GAB1: variants seen among roughly 807,000 people sequenced by gnomAD.
GAB1 encodes GRB2 associated binding protein 1.
Under a neutral mutation model 66.5 loss-of-function variants are expected in GAB1, and 19 were observed. The observed-to-expected ratio is 0.29, with a 90% confidence interval of 0.20 to 0.42. GAB1 has a LOEUF of 0.42. GAB1 is among the 10% of genes least tolerant of loss of function. The pLI, the probability that GAB1 is intolerant of heterozygous loss-of-function variation, is 1.00. For missense variants in GAB1, 732 were observed against 858.5 expected (o/e 0.85, Z 1.84); for synonymous variants, 294 against 301.4 (o/e 0.98, Z 0.25).
intron 6 of GAB1, among the ~76,000 whole-genome samples, chr4:143,452,922 G>A (rs1034023986): frequency 6.6e-6 from 1 of 152,086 alleles, no homozygotes; most frequent in Non-Finnish European, 1.5e-5. Flanking sequence ...CTTTGCTTTA[G>A]TATTCTTATG....
chr4:143,469,155 C>T lies in GAB1; in HGVS notation c.2051C>T (p.Thr684Ile), dbSNP rs1388589393. The T allele has an allele frequency of 2.5e-6, 4 of 1,614,078 alleles. No individual in the cohort carries two copies. In the Admixed American group the frequency reaches 6.7e-5, roughly 27 times the overall value. Residue 684 changes from threonine to isoleucine, a missense_variant, in exon 10 of 10, where the codon ACA becomes ATA. Thr to Ile is a moderately conservative substitution (Grantham distance 89). Around this residue, in one of 4 missense-constraint regions of GAB1, gnomAD observed 204 missense variants for 276.8 expected, o/e 0.74. Coordinates refer to ENST00000262994, the MANE Select transcript of GAB1 (RefSeq NM_002039.4). The part of the protein sequence containing the change: ...REAWTDGRQS[T>I]ESETPAKSVK ...GCCTGGACAGATGGGAGACAGTCCA[C>T]AGAATCAGAAACGCCAGCGAAGAGT...
In GAB1 at chr4:143,438,329, C is replaced by T. The variant is rs1173973678; in HGVS notation, c.924C>T (p.Asp308=). The part of the protein sequence containing the change: ...TQMRHVSISY[D]IPPTPGNTYQ... ...TGAGGCATGTATCTATTAGTTATGA[C>T]ATTCCTCCAACACCTGGTAATACTT... Residue 308 remains aspartate (D), a synonymous_variant, in exon 4 of 10, where the codon GAC becomes GAT. Coordinates refer to ENST00000262994, the MANE Select transcript of GAB1 (RefSeq NM_002039.4). The T allele has an allele frequency of 1.2e-6, 2 of 1,614,086 alleles. No homozygotes were observed. The highest frequency in any genetic ancestry group is 1.1e-5 in the South Asian group (1 of 91,084).
chr4:143,436,418 G>A (rs1733945130), intron 3 of GAB1, among the ~76,000 whole-genome samples: 1 of 152,162 alleles, frequency 6.6e-6, no homozygotes, highest in South Asian at 2.1e-4. Context: ...GAATACATGA[G>A]TGGTATAACA....
At chr4:143,458,248 T>A (rs1477080655) in intron 6 of GAB1, among the ~76,000 whole-genome samples, 1 of 152,152 alleles carries the variant, frequency 6.6e-6, no homozygotes, top group African/African-American at 2.4e-5. Context: ...AGCGGAATAT[T>A]CTGTATGTTT....
intron 6 of GAB1, among the ~76,000 whole-genome samples, chr4:143,441,842 C>G (rs1734260612): frequency 6.6e-6 from 1 of 152,194 alleles, no homozygotes; most frequent in Non-Finnish European, 1.5e-5. Flanking sequence ...TTTATGTGCC[C>G]TTGCAGCTTC....
chr4:143,348,816 C>T (rs1581213553), intron 1 of GAB1, among the ~76,000 whole-genome samples: 1 of 152,120 alleles, frequency 6.6e-6, no homozygotes, highest in Admixed American at 6.6e-5. Flanking sequence ...AGTCTCTCCC[C>T]TTCAGCTATA....
At chr4:143,448,426 TC>T (rs1734694851) in intron 6 of GAB1, among the ~76,000 whole-genome samples, 1 of 151,864 alleles carries the variant, frequency 6.6e-6, no homozygotes, top group Admixed American at 6.6e-5. Flanking sequence ...GGTCCTGGAC[TC>T]TTTTTGGTTG....
At chr4:143,372,106 C>T (rs1405881046) in intron 1 of GAB1, among the ~76,000 whole-genome samples, 2 of 151,940 alleles carry the variant, frequency 1.3e-5, no homozygotes, top group South Asian at 4.1e-4. Context: ...GGGTGGATCA[C>T]TTGAGGTCAG....
At chr4:143,466,266 G>T (rs1408622883) in intron 9 of GAB1, 41 bp downstream of exon 9, 1 of 1,592,924 alleles carries the variant, frequency 6.3e-7, no homozygotes. Flanking sequence ...TATACAGTTA[G>T]TTCACACTTC....
Position 143,474,138 on chromosome 4 carries a change from A to G in GAB1, c.*4949A>G, listed in dbSNP as rs746003946. ...GTGATTGGGTAACATGTCCCCTTAG[A>G]TTTCCTGATTTAAAATTATACAAAA... On this transcript the variant is annotated 3_prime_UTR_variant, in exon 10 of 10. Coordinates refer to ENST00000262994, the MANE Select transcript of GAB1 (RefSeq NM_002039.4). 1 of 152,152 alleles carries G rather than the reference A, an allele frequency of 6.6e-6. No homozygotes were observed. The highest frequency in any genetic ancestry group is 1.5e-5 in the Non-Finnish European group (1 of 68,020). The allele number at this position is 152,152 out of a possible 1,614,324, so 9.4% of individuals were successfully genotyped here.
intron 2 of GAB1, among the ~76,000 whole-genome samples, chr4:143,420,800 C>T (rs1489115287): frequency 6.6e-6 from 1 of 152,034 alleles, no homozygotes; most frequent in Non-Finnish European, 1.5e-5. Flanking sequence ...TTGATATTCT[C>T]CCCTTGAGTC....
chr4:143,362,121 TA>T (rs200695442), intron 1 of GAB1, among the ~76,000 whole-genome samples: 3,144 of 152,106 alleles, frequency 0.021, 104 homozygotes, highest in African/African-American at 0.072. Flanking sequence ...CTGGGTAACC[TA>T]AAAGAATCAC....
intron 6 of GAB1, among the ~76,000 whole-genome samples, chr4:143,442,023 G>A (rs978524425): frequency 2.6e-5 from 4 of 152,142 alleles, no homozygotes; most frequent in Non-Finnish European, 4.4e-5. Flanking sequence ...GCTTTCTATC[G>A]GATAATGCTT....
intron 1 of GAB1, among the ~76,000 whole-genome samples, chr4:143,383,116 C>T (rs1371230201): frequency 6.6e-6 from 1 of 152,170 alleles, no homozygotes; most frequent in Non-Finnish European, 1.5e-5. Context: ...GAGTGCTACA[C>T]ACACACTCCT....
Position 143,473,928 on chromosome 4 carries a change from A to T in GAB1, c.*4739A>T, listed in dbSNP as rs1281388394. 1.3e-5 allele frequency: 2 copies of T among 152,126 alleles called. No individual in the cohort carries two copies. The highest frequency in any genetic ancestry group is 2.9e-5 in the Non-Finnish European group (2 of 68,018). 9.4% of individuals were successfully genotyped at this position (152,126 alleles called of 1,614,324 possible). On this transcript the variant is annotated 3_prime_UTR_variant, in exon 10 of 10. Transcript: ENST00000262994. ...CATATGTCTGTCTGTCACCTTGTAA[A>T]CCATGAGACTCCTGGGTATTTGCAT...
intron 7 of GAB1, 100 bp from the exon 8 acceptor site, chr4:143,460,264 A>G: frequency 2.6e-6 from 3 of 1,146,144 alleles, no homozygotes; most frequent in Non-Finnish European, 3.9e-6. Context: ...ATAAGGGAAT[A>G]TTTCTGAAAG....
intron 1 of GAB1, among the ~76,000 whole-genome samples, chr4:143,354,888 G>C (rs1000968638): frequency 6.6e-6 from 1 of 152,152 alleles, no homozygotes; most frequent in Non-Finnish European, 1.5e-5. Context: ...TTTGCCCCAA[G>C]TTGGAGAATT....
rs564847475 is a variant in GAB1 at position 143,452,807 on chromosome 4, A to G, written c.1586-6578A>G. Among the ~76,000 whole-genome samples, 175 of 152,320 alleles carry G rather than the reference A, an allele frequency of 1.1e-3. 1 individual carries two copies. The highest frequency in any genetic ancestry group is 4.0e-3 in the African/African-American group (165 of 41,566). ...CTCTTTGTTCAAACCAAGTCTAGCA[A>G]AAGCCAAGTTGTAACTAACTGCCTT... On this transcript the variant is annotated intron_variant, in intron 6 of 9. Transcript: ENST00000262994.
At chr4:143,452,549 G>C (rs1472783775) in intron 6 of GAB1, among the ~76,000 whole-genome samples, 2 of 152,122 alleles carry the variant, frequency 1.3e-5, no homozygotes, top group African/African-American at 4.8e-5. Flanking sequence ...TTCATTTCTG[G>C]TAATACTATT....
Sources: gnomAD v4.1 joint callset for allele counts (sites outside exome capture counted in the v4.1 genomes callset) on GRCh38, gnomAD v4.1.1 for gene constraint, gnomAD v4.1.1 regional missense constraint, MANE v1.5 for transcripts, NCBI Gene and HGNC (gene_info 2026-07-23, HGNC 2026-07-21) for gene names.